MECOM: variants seen among roughly 807,000 people sequenced by gnomAD.
MECOM encodes the protein MDS1 and EVI1 complex locus, also known as histone-lysine N-methyltransferase MECOM.
Under a neutral mutation model 116.3 loss-of-function variants are expected in MECOM, and 13 were observed. That is an observed-to-expected ratio of 0.11 (90% CI 0.07 to 0.18). The LOEUF is 0.18. Among genes scored for constraint, MECOM ranks in the 10% least tolerant of loss-of-function variants. MECOM has a pLI of 1.00. For missense variants in MECOM, 1,299 were observed against 1,509.0 expected (o/e 0.86, Z 2.31); for synonymous variants, 528 against 535.2 (o/e 0.99, Z 0.19).
At chr3:169,174,212 A>G (rs899149349) in intron 2 of MECOM, among the ~76,000 whole-genome samples, 5 of 152,344 alleles carry the variant, frequency 3.3e-5, no homozygotes, top group African/African-American at 9.6e-5. Flanking sequence ...ATGTATATAC[A>G]TTTTGCCAGT....
At chr3:169,340,508 G>C (rs1465828042) in intron 2 of MECOM, among the ~76,000 whole-genome samples, 1 of 152,100 alleles carries the variant, frequency 6.6e-6, no homozygotes, top group Non-Finnish European at 1.5e-5. Flanking sequence ...CATCGAGCCT[G>C]GTACACCATC....
intron 1 of MECOM, among the ~76,000 whole-genome samples, chr3:169,621,982 A>C (rs1257534654): frequency 6.6e-6 from 1 of 152,222 alleles, no homozygotes; most frequent in East Asian, 1.9e-4. Flanking sequence ...ACATGAGATA[A>C]AACATTGGCC....
At chr3:169,459,255 G>A (rs1161293174) in intron 1 of MECOM, among the ~76,000 whole-genome samples, 1 of 152,158 alleles carries the variant, frequency 6.6e-6, no homozygotes, top group East Asian at 1.9e-4. Context: ...GTGCAGTGAG[G>A]TTCTAGGGAT....
intron 1 of MECOM, among the ~76,000 whole-genome samples, chr3:169,496,896 T>C (rs937626864): frequency 1.3e-5 from 2 of 152,244 alleles, no homozygotes; most frequent in African/African-American, 4.8e-5. Flanking sequence ...AAAAATTTTC[T>C]TTGGGACCCC....
chr3:169,312,213 T>A (rs1718915004), intron 2 of MECOM, among the ~76,000 whole-genome samples: 1 of 152,172 alleles, frequency 6.6e-6, no homozygotes, highest in Non-Finnish European at 1.5e-5. Flanking sequence ...ATACACTGCC[T>A]TCATTTGGCA....
chr3:169,458,311 A>G (rs1746850758), intron 1 of MECOM, among the ~76,000 whole-genome samples: 1 of 152,234 alleles, frequency 6.6e-6, no homozygotes, highest in Non-Finnish European at 1.5e-5. Flanking sequence ...AGCTTCCTGC[A>G]TTAAGCATAT....
Position 169,267,418 on chromosome 3 carries a change from A to G in MECOM, c.375+113769T>C, listed in dbSNP as rs187487702. ...CCTCAGGTCTCTTCTCTATAAAATAAGTGAGTTGGGCTGGATGATCCTAAG... is the reference window on the plus strand; with the variant it reads ...CCTCAGGTCTCTTCTCTATAAAATAGGTGAGTTGGGCTGGATGATCCTAAG... On this transcript the variant is annotated intron_variant, in intron 2 of 16. Transcript: ENST00000651503. Among the ~76,000 whole-genome samples the G allele has an allele frequency of 6.2e-4, 94 of 152,308 alleles. 1 individual carries two copies. The highest frequency in any genetic ancestry group is 2.2e-3 in the African/African-American group (91 of 41,570).
chr3:169,085,134 G>T (rs932247205), intron 16 of MECOM, 91 bp from the exon 17 acceptor site: 7 of 1,513,692 alleles, frequency 4.6e-6, no homozygotes, highest in African/African-American at 1.4e-5. Flanking sequence ...GAAAGGGATG[G>T]GACCCTGAGT....
In MECOM at chr3:169,242,489, GC is replaced by G. The variant is rs1314240151; in HGVS notation, c.376-98658del. On this transcript the variant is annotated intron_variant, in intron 2 of 16. Coordinates refer to ENST00000651503, the MANE Select transcript of MECOM (RefSeq NM_004991.4). ...GCTCCTGCCTGCTATTCTCCAAGGA[GC>G]CGGCTGCTGGAAGACTGCTCCGAAC... is the stretch of plus-strand genomic sequence containing the variant. Among the ~76,000 whole-genome samples, 3 of 152,284 alleles carry G rather than the reference GC, an allele frequency of 2.0e-5. No homozygotes were observed. The East Asian group carries it at 5.8e-4, about 29-fold the overall frequency.
At chr3:169,338,600 G>GGGGTGTGTGTGT (rs1553811020) in intron 2 of MECOM, among the ~76,000 whole-genome samples, 1 of 146,442 alleles carries the variant, frequency 6.8e-6, no homozygotes, top group African/African-American at 2.5e-5. Context: ...TTATGTTAGG[G>GGGGTGTGTGTGT]GTGTGTGTGT....
chr3:169,320,503 C>A (rs1720665609), intron 2 of MECOM, among the ~76,000 whole-genome samples: 1 of 152,134 alleles, frequency 6.6e-6, no homozygotes, highest in South Asian at 2.1e-4. Flanking sequence ...AACCCTTTCC[C>A]AGGTTCTAGT....
At chr3:169,431,056 G>A (rs1359995559) in intron 1 of MECOM, among the ~76,000 whole-genome samples, 1 of 152,122 alleles carries the variant, frequency 6.6e-6, no homozygotes, top group African/African-American at 2.4e-5. Flanking sequence ...TATATATAAG[G>A]GGAAATGAGT....
In MECOM at chr3:169,474,821, T is replaced by C. The variant is rs1056122440; in HGVS notation, c.38-93297A>G. Among the ~76,000 whole-genome samples, 19 of 44,094 alleles carry C rather than the reference T, an allele frequency of 4.3e-4. 1 individual carries two copies. The African/African-American group carries it at 4.5e-3, about 10-fold the overall frequency. 28.9% of individuals were successfully genotyped at this position (44,094 alleles called of 152,430 possible). A position where few individuals can be genotyped will look rare whatever the true frequency, so the allele number is the denominator to read the frequency against. On this transcript the variant is annotated intron_variant, in intron 1 of 16. Coordinates refer to ENST00000651503, the MANE Select transcript of MECOM (RefSeq NM_004991.4). Reference sequence around the variant, plus strand: ...AACTGATATATATTAGCTTAGTGTCTAGTACTTAACCACCCATTATGATGG... The same window carrying C: ...AACTGATATATATTAGCTTAGTGTCCAGTACTTAACCACCCATTATGATGG...
intron 2 of MECOM, among the ~76,000 whole-genome samples, chr3:169,169,899 A>G (rs1374466990): frequency 6.6e-6 from 1 of 151,698 alleles, no homozygotes; most frequent in Non-Finnish European, 1.5e-5. Flanking sequence ...AAAGGCCTAG[A>G]TGATATCTTA....
intron 1 of MECOM, among the ~76,000 whole-genome samples, chr3:169,402,930 A>G (rs1001038518): frequency 6.6e-6 from 1 of 151,882 alleles, no homozygotes; most frequent in Non-Finnish European, 1.5e-5. Flanking sequence ...CTCCAAAACC[A>G]CTCCTGACCT....
At chr3:169,389,640 A>C in intron 1 of MECOM, 1 of 963,900 alleles carries the variant, frequency 1.0e-6, no homozygotes, top group South Asian at 4.8e-5. Context: ...GGAAAGTAGA[A>C]CCGTCCTGAA....
intron 2 of MECOM, among the ~76,000 whole-genome samples, chr3:169,325,469 T>C (rs1375647335): frequency 6.6e-6 from 1 of 152,212 alleles, no homozygotes; most frequent in Non-Finnish European, 1.5e-5. Context: ...AAATTTAGCT[T>C]AGGATAAATG....
At chr3:169,408,244 A>G (rs1737003449) in intron 1 of MECOM, among the ~76,000 whole-genome samples, 1 of 152,222 alleles carries the variant, frequency 6.6e-6, no homozygotes, top group African/African-American at 2.4e-5. Flanking sequence ...GAAATGAGAC[A>G]CTTTTTGCTG....
intron 1 of MECOM, among the ~76,000 whole-genome samples, chr3:169,506,151 G>A (rs574991072): frequency 2.3e-3 from 349 of 152,340 alleles, no homozygotes; most frequent in African/African-American, 7.9e-3. Flanking sequence ...GTTGCAGGCC[G>A]ATAAGCAATG....
Sources: gnomAD v4.1 joint callset for allele counts (sites outside exome capture counted in the v4.1 genomes callset) on GRCh38, gnomAD v4.1.1 for gene constraint, MANE v1.5 for transcripts, NCBI Gene and HGNC (gene_info 2026-07-23, HGNC 2026-07-21) for gene names.